HDAC9: variants seen among roughly 807,000 people sequenced by gnomAD.
HDAC9 encodes histone deacetylase 9.
In HDAC9, 41 loss-of-function variants were observed where a neutral mutation model predicts 139.4. That is an observed-to-expected ratio of 0.29 (90% confidence interval 0.23 to 0.38). HDAC9 has a LOEUF of 0.38. Among genes scored for constraint, HDAC9 ranks in the 10% least tolerant of loss-of-function variants. HDAC9 has a pLI of 1.00. For missense variants in HDAC9, 1,147 were observed against 1,297.0 expected (o/e 0.88, Z 1.78); for synonymous variants, 517 against 476.2 (o/e 1.09, Z -1.12).
intron 17 of HDAC9, among the ~76,000 whole-genome samples, chr7:18,814,892 A>C (rs1340807017): frequency 1.3e-5 from 2 of 152,206 alleles, no homozygotes; most frequent in East Asian, 3.8e-4. Flanking sequence ...TACAATGTAC[A>C]TTGCAATTAG....
At chr7:18,676,047 A>G (rs963399529) in intron 12 of HDAC9, among the ~76,000 whole-genome samples, 16 of 150,924 alleles carry the variant, frequency 1.1e-4, no homozygotes, top group African/African-American at 3.2e-4. Context: ...GGATCTTTGG[A>G]TAAGCTATGT....
intron 1 of HDAC9, among the ~76,000 whole-genome samples, chr7:18,489,137 G>A (rs1439917201): frequency 6.6e-6 from 1 of 151,998 alleles, no homozygotes; most frequent in Non-Finnish European, 1.5e-5. Context: ...TTTATTCATT[G>A]CAGAAATATT....
intron 24 of HDAC9, among the ~76,000 whole-genome samples, chr7:18,967,039 T>A (rs533802746): frequency 6.6e-6 from 1 of 152,340 alleles, no homozygotes; most frequent in East Asian, 1.9e-4. Context: ...TTGAACAAAA[T>A]GTTTGTCGAT....
intron 1 of HDAC9, among the ~76,000 whole-genome samples, chr7:18,160,790 G>T (rs1787575546): frequency 6.6e-6 from 1 of 151,976 alleles, no homozygotes; most frequent in Non-Finnish European, 1.5e-5. Context: ...CTAATTTTTT[G>T]TATTTTTAGT....
At chr7:18,585,803 T>G (rs183135383) in intron 3 of HDAC9, among the ~76,000 whole-genome samples, 88 of 152,264 alleles carry the variant, frequency 5.8e-4, no homozygotes, top group South Asian at 4.2e-4. Flanking sequence ...CTACGTGATT[T>G]TGTTCATTTG....
intron 2 of HDAC9, among the ~76,000 whole-genome samples, chr7:18,545,081 A>G (rs1814329461): frequency 6.6e-6 from 1 of 152,154 alleles, no homozygotes; most frequent in Non-Finnish European, 1.5e-5. Context: ...CTGGCTCCAA[A>G]CGTCAATGGT....
intron 12 of HDAC9, among the ~76,000 whole-genome samples, chr7:18,694,497 A>G (rs1025611768): frequency 2.0e-5 from 3 of 152,112 alleles, no homozygotes; most frequent in African/African-American, 4.8e-5. Flanking sequence ...ATGGTCAAGA[A>G]CTGGTTTATC....
intron 13 of HDAC9, among the ~76,000 whole-genome samples, chr7:18,745,531 CTTTTTTTTTT>C (rs565092002): frequency 3.0e-4 from 27 of 90,512 alleles, no homozygotes; most frequent in African/African-American, 1.2e-3. Context: ...ACTCTCTACT[CTTTTTTTTTT>C]TTTTTTTTTT....
At chr7:18,893,033 G>GGAAA (rs1554395074) in intron 22 of HDAC9, among the ~76,000 whole-genome samples, 8 of 66,890 alleles carry the variant, frequency 1.2e-4, no homozygotes, top group Non-Finnish European at 2.1e-4. Context: ...GTAATAGGCC[G>GGAAA]AAAAAAAAAA....
chr7:18,632,572 G>C (rs970457445), intron 7 of HDAC9, among the ~76,000 whole-genome samples: 3 of 152,060 alleles, frequency 2.0e-5, no homozygotes, highest in African/African-American at 7.2e-5. Context: ...AACTGGAAAA[G>C]TATTTGGCAT....
intron 2 of HDAC9, among the ~76,000 whole-genome samples, chr7:18,526,844 C>T (rs1807101484): frequency 6.6e-6 from 1 of 152,062 alleles, no homozygotes. Flanking sequence ...AGCATAGTAA[C>T]TAATTCAAAG....
At chr7:18,169,860 T>G (rs1054144032) in intron 2 of HDAC9, among the ~76,000 whole-genome samples, 4 of 152,228 alleles carry the variant, frequency 2.6e-5, no homozygotes, top group African/African-American at 9.6e-5. Flanking sequence ...AGTCTATCAT[T>G]GATGGACATT....
chr7:18,644,935 T>C, intron 9 of HDAC9, 142 bp downstream of exon 9: 1 of 750,922 alleles, frequency 1.3e-6, no homozygotes, highest in Non-Finnish European at 2.0e-6. Flanking sequence ...ATTTGCTGTG[T>C]TGTTCAAAGA....
intron 1 of HDAC9, among the ~76,000 whole-genome samples, chr7:18,149,615 A>ATCTCGGCTTG (rs1436072626): frequency 6.6e-6 from 1 of 151,806 alleles, no homozygotes; most frequent in Non-Finnish European, 1.5e-5. Context: ...CAGTGGCTTG[A>ATCTCGGCTTG]TCTCGGCTCA....
chr7:18,170,923 A>G (rs1166384777), intron 2 of HDAC9, among the ~76,000 whole-genome samples: 1 of 152,206 alleles, frequency 6.6e-6, no homozygotes, highest in Non-Finnish European at 1.5e-5. Context: ...TGTCTTGGCA[A>G]TGCGGGCTCT....
chr7:18,722,557 A>G (rs543549801), intron 12 of HDAC9, among the ~76,000 whole-genome samples: 3 of 152,302 alleles, frequency 2.0e-5, no homozygotes, highest in East Asian at 1.9e-4. Flanking sequence ...AAACACTTCA[A>G]TCAGTTCCAG....
chr7:18,257,416 C>CAG (rs1554346368), intron 2 of HDAC9, among the ~76,000 whole-genome samples: 3 of 150,528 alleles, frequency 2.0e-5, no homozygotes, highest in Non-Finnish European at 4.4e-5. Context: ...CACACACACA[C>CAG]ACACACACAC....
intron 16 of HDAC9, among the ~76,000 whole-genome samples, chr7:18,773,364 TACACACAC>T (rs4043674): frequency 0.033 from 4,648 of 142,714 alleles, 108 homozygotes; most frequent in African/African-American, 0.061. Flanking sequence ...AAAAACTGTA[TACACACAC>T]ACACACACAC....
At chr7:18,829,297 C>G (rs1562970172) in intron 18 of HDAC9, 81 bp downstream of exon 18, 1 of 1,259,444 alleles carries the variant, frequency 7.9e-7, no homozygotes, top group South Asian at 1.2e-5. Flanking sequence ...TCTGAAGCCT[C>G]TAATTGTTAG....
Sources: allele counts gnomAD v4.1 joint callset (sites outside exome capture counted in the v4.1 genomes callset), GRCh38; gene constraint gnomAD v4.1.1; transcripts MANE v1.5; gene names NCBI Gene and HGNC (gene_info 2026-07-23, HGNC 2026-07-21).